The following DNAH14 variants were observed in gnomAD, a reference collection of about 807,000 sequenced individuals.
DNAH14 encodes the protein axonemal beta dynein heavy chain 14.
Under a neutral mutation model 520.9 loss-of-function variants are expected in DNAH14, and 478 were observed. The ratio of observed to expected loss-of-function variants is 0.92; its 90% CI spans 0.85 to 0.99. The LOEUF is 0.99. DNAH14 is among the 50% of genes least tolerant of loss of function. The pLI is 0.00. For missense variants in DNAH14, 4,831 were observed against 5,234.5 expected (o/e 0.92, Z 2.38); for synonymous variants, 1,581 against 1,757.2 (o/e 0.90, Z 2.51).
chr1:225,169,030 A>G (rs1455273510), intron 36 of DNAH14, among the ~76,000 whole-genome samples: 1 of 152,204 alleles, frequency 6.6e-6, no homozygotes, highest in Non-Finnish European at 1.5e-5. Flanking sequence ...GCTGATACCC[A>G]GACAAACAGG....
chr1:225,217,625 C>T (rs2089551015), intron 41 of DNAH14, among the ~76,000 whole-genome samples: 1 of 152,226 alleles, frequency 6.6e-6, no homozygotes. Flanking sequence ...CCCAGCCTCA[C>T]TGCCACCTTG....
chr1:224,970,662 G>A (rs1366143789), intron 7 of DNAH14, among the ~76,000 whole-genome samples: 1 of 152,076 alleles, frequency 6.6e-6, no homozygotes, highest in East Asian at 1.9e-4. Context: ...ATATAGAAAA[G>A]AACCTACGTG....
chr1:225,334,250 G>A (rs1480192879), intron 66 of DNAH14, among the ~76,000 whole-genome samples: 2 of 152,238 alleles, frequency 1.3e-5, no homozygotes, highest in East Asian at 1.9e-4. Context: ...ACCAGCCTGG[G>A]CAACATAGTG....
At chr1:225,327,456 T>C (rs1338785847) in intron 64 of DNAH14, among the ~76,000 whole-genome samples, 2 of 152,084 alleles carry the variant, frequency 1.3e-5, no homozygotes, top group African/African-American at 2.4e-5. Flanking sequence ...CCACCGCACC[T>C]GGCCGACTAA....
In DNAH14 at chr1:225,119,201, T is replaced by C; in HGVS notation, c.4092-19T>C. 1.3e-6 allele frequency: 2 copies of C among 1,487,412 alleles called. No homozygotes were observed. Among genetic ancestry groups the C allele is most frequent in the South Asian group, 1.4e-5 (1 of 71,632 alleles). The allele number at this position is 1,487,412 out of a possible 1,614,324, so 92.1% of individuals were successfully genotyped here. A position where few individuals can be genotyped will look rare whatever the true frequency, so the allele number is the denominator to read the frequency against. On this transcript the variant is annotated intron_variant, in intron 25 of 85. Coordinates refer to ENST00000682510, the MANE Select transcript of DNAH14 (RefSeq NM_001367479.1). ...TAAAAAATAATTCTTCATGATATTA[T>C]TTTTGAAACTAATTTTAGGAAAATT...
intron 54 of DNAH14, among the ~76,000 whole-genome samples, chr1:225,284,984 T>A (rs1414301439): frequency 6.6e-6 from 1 of 152,182 alleles, no homozygotes; most frequent in African/African-American, 2.4e-5. Flanking sequence ...TTCAGCAACC[T>A]AATAAAGAGC....
Position 225,153,787 on chromosome 1 carries a change from T to G in DNAH14, c.5234T>G (p.Val1745Gly), listed in dbSNP as rs1245130650. ...YNFGLRSLKIVLIMAGTKKRE... is the reference protein window; with the variant it reads ...YNFGLRSLKIGLIMAGTKKRE... ...TTTGGCTTGAGATCTCTGAAGATAGTTTTAATAATGGCTGGAACGAAGAAA... is the reference window on the plus strand; with the variant it reads ...TTTGGCTTGAGATCTCTGAAGATAGGTTTAATAATGGCTGGAACGAAGAAA... Residue 1745 changes from valine (V) to glycine (G), a missense_variant, in exon 34 of 86, where the codon GTT becomes GGT. Physicochemically the swap from Val to Gly is moderately radical, Grantham distance 109. Coordinates refer to ENST00000682510, the MANE Select transcript of DNAH14 (RefSeq NM_001367479.1). 1.3e-6 allele frequency: 2 copies of G among 1,550,204 alleles called. No homozygotes were observed. The highest frequency in any genetic ancestry group is 2.4e-5 in the South Asian group (2 of 83,848).
intron 3 of DNAH14, among the ~76,000 whole-genome samples, chr1:224,958,628 A>G (rs1674805682): frequency 6.6e-6 from 1 of 152,122 alleles, no homozygotes; most frequent in Non-Finnish European, 1.5e-5. Flanking sequence ...TGGGAGAATT[A>G]AACAAGCTGA....
chr1:225,264,077 A>T (rs1031215908), intron 46 of DNAH14, 120 bp from the exon 47 acceptor site: 17 of 801,910 alleles, frequency 2.1e-5, no homozygotes, highest in Non-Finnish European at 3.1e-5. Context: ...ACAGAAAAAA[A>T]ATTTTTCTTG....
At chr1:225,262,692 C>T (rs2092975266) in intron 46 of DNAH14, among the ~76,000 whole-genome samples, 1 of 151,840 alleles carries the variant, frequency 6.6e-6, no homozygotes, top group Non-Finnish European at 1.5e-5. Context: ...TGTTTTGTTC[C>T]TTTGATCTAT....
At chr1:225,386,106 C>A (rs1224062497) in intron 81 of DNAH14, among the ~76,000 whole-genome samples, 2 of 152,122 alleles carry the variant, frequency 1.3e-5, no homozygotes, top group East Asian at 3.8e-4. Flanking sequence ...CTTTGAGAAA[C>A]CGGACAAAAA....
intron 17 of DNAH14, among the ~76,000 whole-genome samples, chr1:225,061,839 GTTC>G: frequency 6.6e-6 from 1 of 152,138 alleles, no homozygotes. Flanking sequence ...CTCCCAGAAA[GTTC>G]ATCTTCATCC....
rs373469864 is a variant in DNAH14 at position 225,358,630 on chromosome 1, G to A, written c.11754G>A (p.Pro3918=). 4.3e-5 allele frequency: 67 copies of A among 1,547,950 alleles called. No homozygotes were observed. Among genetic ancestry groups the A allele is most frequent in the South Asian group, 1.1e-4 (9 of 82,936 alleles). The change falls in exon 74 of 86, where the codon CCG becomes CCA. Residue 3918 remains proline (P), a synonymous_variant. Coordinates refer to ENST00000682510, the MANE Select transcript of DNAH14 (RefSeq NM_001367479.1). ...DAYKGSNART[P]LILIQTHGID... Reference sequence around the variant, plus strand: ...ATAAAGGATCCAATGCCAGAACTCCGCTGATACTTATTCAAACTCATGGTA... The same window carrying A: ...ATAAAGGATCCAATGCCAGAACTCCACTGATACTTATTCAAACTCATGGTA...
At chr1:225,185,899 A>G (rs1432544483) in intron 37 of DNAH14, among the ~76,000 whole-genome samples, 2 of 148,076 alleles carry the variant, frequency 1.4e-5, no homozygotes, top group African/African-American at 5.0e-5. Context: ...GGTCACTGAT[A>G]AATATTCCTT....
At chr1:225,101,545 T>C (rs898423902) in intron 23 of DNAH14, among the ~76,000 whole-genome samples, 8 of 152,142 alleles carry the variant, frequency 5.3e-5, no homozygotes, top group Non-Finnish European at 7.3e-5. Context: ...ATCCTTCTAC[T>C]GTCTATCTCC....
chr1:224,973,016 G>A (rs1366960510), intron 7 of DNAH14, among the ~76,000 whole-genome samples: 1 of 152,050 alleles, frequency 6.6e-6, no homozygotes, highest in Non-Finnish European at 1.5e-5. Context: ...GGATTTTCAG[G>A]GATCTTCTAG....
chr1:224,934,004 A>T (rs1256878781), intron 1 of DNAH14, among the ~76,000 whole-genome samples: 6 of 152,036 alleles, frequency 3.9e-5, no homozygotes, highest in African/African-American at 1.4e-4. Context: ...GTACCGTAAC[A>T]GCCAGTACCA....
At chr1:225,297,832 G>T (rs2094044558) in intron 55 of DNAH14, among the ~76,000 whole-genome samples, 2 of 152,202 alleles carry the variant, frequency 1.3e-5, no homozygotes, top group Admixed American at 6.5e-5. Flanking sequence ...GGGGGCATGG[G>T]CATACAGTTT....
chr1:225,195,920 T>C (rs1029500027), intron 38 of DNAH14, among the ~76,000 whole-genome samples: 1 of 152,062 alleles, frequency 6.6e-6, no homozygotes, highest in Non-Finnish European at 1.5e-5. Flanking sequence ...GCCACAAACT[T>C]TTGTAAAGTA....
Sources: gnomAD v4.1 joint callset for allele counts (sites outside exome capture counted in the v4.1 genomes callset) on GRCh38, gnomAD v4.1.1 for gene constraint, MANE v1.5 for transcripts, NCBI Gene and HGNC (gene_info 2026-07-23, HGNC 2026-07-21) for gene names.